The following SEMA3C variants were observed in gnomAD, a reference collection of about 807,000 sequenced individuals.
SEMA3C encodes semaphorin-3C.
A neutral mutation model predicts 89.4 loss-of-function variants in SEMA3C; 47 were observed. The ratio of observed to expected loss-of-function variants is 0.53; its 90% CI spans 0.42 to 0.67. The LOEUF is 0.67. SEMA3C is among the 30% of genes least tolerant of loss of function. The probability of loss-of-function intolerance (pLI) is 0.00; values close to 1 mark genes in which losing one functional copy is unlikely to be tolerated. For missense variants in SEMA3C, 839 were observed against 929.1 expected (o/e 0.90, Z 1.26); for synonymous variants, 310 against 320.2 (o/e 0.97, Z 0.34).
intron 2 of SEMA3C, among the ~76,000 whole-genome samples, chr7:80,852,590 TA>T (rs1175458553): frequency 6.6e-6 from 1 of 151,860 alleles, no homozygotes; most frequent in Non-Finnish European, 1.5e-5. Flanking sequence ...AATAAAGGAT[TA>T]ATTACCAGAA....
intron 2 of SEMA3C, among the ~76,000 whole-genome samples, chr7:80,834,221 T>C (rs1790074674): frequency 6.6e-6 from 1 of 152,146 alleles, no homozygotes. Flanking sequence ...TATGCATGTT[T>C]GTTTTCTACA....
At chr7:80,807,831 G>C (rs1441214012) in intron 6 of SEMA3C, among the ~76,000 whole-genome samples, 3 of 152,160 alleles carry the variant, frequency 2.0e-5, no homozygotes, top group Non-Finnish European at 4.4e-5. Flanking sequence ...GAATGGAAAT[G>C]ATAAAGTACT....
chr7:80,912,455 T>C (rs1017499314), intron 2 of SEMA3C, among the ~76,000 whole-genome samples: 1 of 152,218 alleles, frequency 6.6e-6, no homozygotes, highest in Non-Finnish European at 1.5e-5. Context: ...GCTTTACAAA[T>C]TTAGTGTTAC....
rs752415557 is a variant in SEMA3C at position 80,798,238 on chromosome 7, T to TA, written c.987-3dup. 3 of 1,425,028 alleles carry TA rather than the reference T, an allele frequency of 2.1e-6. No homozygotes were observed. The highest frequency in any genetic ancestry group is 2.8e-5 in the Admixed American group (1 of 35,280). 88.3% of individuals were successfully genotyped at this position (1,425,028 alleles called of 1,614,324 possible). A position where few individuals can be genotyped will look rare whatever the true frequency, so the allele number is the denominator to read the frequency against. The stretch of plus-strand genomic sequence containing the variant: ...ACGGCTGATCCTTTGAAAACTGAGC[T>TA]AAAAAAGAAAACAGAAAAAGGCATT... On this transcript the variant is annotated splice_region_variant and splice_polypyrimidine_tract_variant and intron_variant, in intron 10 of 17. Transcript: ENST00000265361.
At chr7:80,880,192 A>T (rs1380454948) in intron 2 of SEMA3C, among the ~76,000 whole-genome samples, 1 of 152,168 alleles carries the variant, frequency 6.6e-6, no homozygotes, top group Non-Finnish European at 1.5e-5. Context: ...GCGAACCCTG[A>T]CTACCATTTA....
rs761990267 is a variant in SEMA3C at position 80,815,554 on chromosome 7, C to CAAAAAAAAAAAAAAAAAAAAAAAAAAAA, written c.447+2744_447+2745insTTTTTTTTTTTTTTTTTTTTTTTTTTTT. ...AAACCCAATCCTTTCTTTAAATGGG[C>CAAAAAAAAAAAAAAAAAAAAAAAAAAAA]AAAAAAAAAAAAAAAAAAAGTAAAT... On this transcript the variant is annotated intron_variant, in intron 5 of 17. Transcript: ENST00000265361. Among the ~76,000 whole-genome samples the CAAAAAAAAAAAAAAAAAAAAAAAAAAAA allele has an allele frequency of 8.5e-4, 50 of 58,842 alleles. 4 individuals carry two copies. Among genetic ancestry groups the CAAAAAAAAAAAAAAAAAAAAAAAAAAAA allele is most frequent in the East Asian group, 3.7e-3 (5 of 1,360 alleles). 38.6% of individuals were successfully genotyped at this position (58,842 alleles called of 152,430 possible).
upstream of SEMA3C, among the ~76,000 whole-genome samples, chr7:80,921,550 T>A (rs2116278596): frequency 6.6e-6 from 1 of 152,298 alleles, no homozygotes; most frequent in African/African-American, 2.4e-5. Context: ...AGACTTCAGC[T>A]TTGACTGTCC....
At chr7:80,798,510 T>C (rs1428158638) in intron 10 of SEMA3C, among the ~76,000 whole-genome samples, 1 of 152,180 alleles carries the variant, frequency 6.6e-6, no homozygotes, top group Non-Finnish European at 1.5e-5. Flanking sequence ...CAAAAAAGTT[T>C]CTAACTAGTT....
At chr7:80,782,295 C>T (rs892873608) in intron 12 of SEMA3C, among the ~76,000 whole-genome samples, 1 of 152,166 alleles carries the variant, frequency 6.6e-6, no homozygotes, top group African/African-American at 2.4e-5. Flanking sequence ...TCGTCCAAGT[C>T]TTCTCTGTCA....
At position 80,784,074 on chromosome 7, in the gene SEMA3C, C is replaced by T. The variant is rs113641764; in HGVS notation, c.1354+5232G>A. Among the ~76,000 whole-genome samples the T allele has an allele frequency of 3.5e-4, 54 of 152,194 alleles. 2 individuals are homozygous for T. The highest frequency in any genetic ancestry group is 1.2e-3 in the African/African-American group (49 of 41,516). ...TAAAAATATAAATTTTACAGAATGT[C>T]TCTGAACCTGACCTAGACACTTAAA... On this transcript the variant is annotated intron_variant, in intron 12 of 17. Coordinates refer to ENST00000265361, the MANE Select transcript of SEMA3C (RefSeq NM_006379.5).
intron 12 of SEMA3C, among the ~76,000 whole-genome samples, chr7:80,787,847 G>C (rs571331956): frequency 6.6e-6 from 1 of 152,244 alleles, no homozygotes. Flanking sequence ...TGGGAAGGAA[G>C]GATTATTCCT....
At chr7:80,857,274 T>C (rs763408147) in intron 2 of SEMA3C, among the ~76,000 whole-genome samples, 4 of 152,168 alleles carry the variant, frequency 2.6e-5, no homozygotes, top group African/African-American at 7.2e-5. Flanking sequence ...TTGGCATCAG[T>C]GACACGGGCC....
chr7:80,781,585 T>C (rs2117093387), intron 12 of SEMA3C, among the ~76,000 whole-genome samples: 1 of 152,300 alleles, frequency 6.6e-6, no homozygotes, highest in Admixed American at 6.5e-5. Flanking sequence ...CTATGGATAT[T>C]CACATAGGGA....
intron 4 of SEMA3C, 39 bp downstream of exon 4, chr7:80,827,382 TTAAG>T (rs1789895029): frequency 4.0e-6 from 6 of 1,499,376 alleles, no homozygotes; most frequent in East Asian, 2.5e-5. Context: ...AACCAAATAT[TTAAG>T]TTAGTGTTTT....
At chr7:80,875,807 CAA>C (rs1229018785) in intron 2 of SEMA3C, among the ~76,000 whole-genome samples, 11 of 150,840 alleles carry the variant, frequency 7.3e-5, no homozygotes, top group Non-Finnish European at 1.5e-4. Context: ...GTGGATATGA[CAA>C]AAAGAAGCTG....
rs912281911 is a variant in SEMA3C, at chr7:80,743,534, G to T, written c.*1360C>A. On this transcript the variant is annotated 3_prime_UTR_variant, in exon 18 of 18. Coordinates refer to ENST00000265361, the MANE Select transcript of SEMA3C (RefSeq NM_006379.5). ...TGGAAGCATGAAAATGTCTTAAAAG[G>T]TAAATAAAAAAGCAAAAGTAGTGTT... is the stretch of plus-strand genomic sequence containing the variant. The T allele has an allele frequency of 1.3e-5, 2 of 151,774 alleles. No individual in the cohort carries two copies. Among genetic ancestry groups the T allele is most frequent in the South Asian group, 4.2e-4 (2 of 4,818 alleles). The allele number at this position is 151,774 out of a possible 1,614,324, so 9.4% of individuals were successfully genotyped here.
chr7:80,863,988 T>C (rs1265465714), intron 2 of SEMA3C, among the ~76,000 whole-genome samples: 2 of 148,982 alleles, frequency 1.3e-5, no homozygotes, highest in African/African-American at 2.5e-5. Flanking sequence ...ATATATCACA[T>C]GTATATCACA....
intron 2 of SEMA3C, among the ~76,000 whole-genome samples, chr7:80,864,706 G>A (rs1790884915): frequency 6.6e-6 from 1 of 152,108 alleles, no homozygotes; most frequent in African/African-American, 2.4e-5. Context: ...AGATGCAGAT[G>A]ATTCCTAACA....
intron 12 of SEMA3C, among the ~76,000 whole-genome samples, chr7:80,777,509 C>T (rs956031922): frequency 1.1e-4 from 16 of 152,188 alleles, no homozygotes; most frequent in Non-Finnish European, 1.2e-4. Context: ...CCAGGCTGGT[C>T]TCAAACTCCT....
Sources: gnomAD v4.1 joint callset for allele counts (sites outside exome capture counted in the v4.1 genomes callset) on GRCh38, gnomAD v4.1.1 for gene constraint, MANE v1.5 for transcripts, NCBI Gene and HGNC (gene_info 2026-07-23, HGNC 2026-07-21) for gene names.